Variants in CTCF observed in about 807,000 individuals in gnomAD.
CTCF encodes transcriptional repressor CTCF.
A neutral mutation model predicts 72.3 loss-of-function variants in CTCF; 7 were observed. The ratio of observed to expected loss-of-function variants is 0.10; its 90% CI spans 0.06 to 0.18. CTCF has a LOEUF of 0.18. Among genes scored for constraint, CTCF ranks in the 10% least tolerant of loss-of-function variants. The pLI is 1.00. For missense variants in CTCF, 516 were observed against 949.1 expected (o/e 0.54, Z 6.00); for synonymous variants, 374 against 315.8 (o/e 1.18, Z -1.95).
At chr16:67,618,441 A>G (rs2142842865) in intron 5 of CTCF, among the ~76,000 whole-genome samples, 1 of 152,334 alleles carries the variant, frequency 6.6e-6, no homozygotes, top group East Asian at 1.9e-4. Context: ...AATGTATAAT[A>G]AACTCATCCT....
At chr16:67,608,666 A>T (rs745417650) in intron 2 of CTCF, among the ~76,000 whole-genome samples, 3 of 152,174 alleles carry the variant, frequency 2.0e-5, no homozygotes, top group Admixed American at 2.0e-4. Context: ...AATTATGTTG[A>T]GGATGGATCT....
chr16:67,594,330 G>T (rs923330718), intron 2 of CTCF, among the ~76,000 whole-genome samples: 1 of 151,004 alleles, frequency 6.6e-6, no homozygotes, highest in Non-Finnish European at 1.5e-5. Context: ...GCTGTAGTGA[G>T]CCTTGATTGT....
At chr16:67,599,308 T>C (rs571966073) in intron 2 of CTCF, among the ~76,000 whole-genome samples, 1 of 152,230 alleles carries the variant, frequency 6.6e-6, no homozygotes, top group African/African-American at 2.4e-5. Context: ...GGCAAGAGAA[T>C]CACTTGAACC....
At position 67,636,866 on chromosome 16, in the gene CTCF, T is replaced by C. The variant is rs2142887346; in HGVS notation, c.1999+15T>C. 1 of 1,511,880 alleles carries C rather than the reference T, an allele frequency of 6.6e-7. No homozygotes were observed. Among genetic ancestry groups the C allele is most frequent in the Non-Finnish European group, 8.9e-7 (1 of 1,122,034 alleles). The allele number at this position is 1,511,880 out of a possible 1,614,324, so 93.7% of individuals were successfully genotyped here. A position where few individuals can be genotyped will look rare whatever the true frequency, so the allele number is the denominator to read the frequency against. ...ACAGAACCAGCGTAAGTTGTTCATCTCTGCTCTGGAGGCTGGCGTCTTCTC... is the reference window on the plus strand; with the variant it reads ...ACAGAACCAGCGTAAGTTGTTCATCCCTGCTCTGGAGGCTGGCGTCTTCTC... On this transcript the variant is annotated intron_variant, in intron 11 of 11. Transcript: ENST00000264010.
At chr16:67,589,759 C>T (rs1344377118) in intron 2 of CTCF, among the ~76,000 whole-genome samples, 1 of 152,082 alleles carries the variant, frequency 6.6e-6, no homozygotes, top group African/African-American at 2.4e-5. Context: ...CCCCAAATGA[C>T]GCTTCAACAC....
At chr16:67,608,565 T>C (rs1345010356) in intron 2 of CTCF, among the ~76,000 whole-genome samples, 4 of 152,036 alleles carry the variant, frequency 2.6e-5, no homozygotes, top group Non-Finnish European at 5.9e-5. Flanking sequence ...GTTGAGTGGG[T>C]ATAAAGTTTC....
At chr16:67,634,867 T>G (rs1567619050) in intron 10 of CTCF, among the ~76,000 whole-genome samples, 1 of 151,328 alleles carries the variant, frequency 6.6e-6, no homozygotes, top group Non-Finnish European at 1.5e-5. Context: ...CACACCTAGC[T>G]AATTTTTGTA....
chr16:67,572,005 A>G (rs2051428542), intron 2 of CTCF, among the ~76,000 whole-genome samples: 1 of 152,192 alleles, frequency 6.6e-6, no homozygotes, highest in South Asian at 2.1e-4. Flanking sequence ...TTCAGACCCT[A>G]GAAAAATGTG....
chr16:67,572,997 A>T (rs1261878417), intron 2 of CTCF, among the ~76,000 whole-genome samples: 1 of 121,874 alleles, frequency 8.2e-6, no homozygotes, highest in African/African-American at 3.2e-5. Flanking sequence ...TCACGCCTGT[A>T]ATCCCAGAAC....
rs765657491 is a variant in CTCF, at chr16:67,628,595, T to C, written c.1701+43T>C. 4.4e-6 allele frequency: 7 copies of C among 1,586,536 alleles called. No individual in the cohort carries two copies. In the South Asian group the frequency reaches 7.8e-5, roughly 18 times the overall value. ...ACTTTGCCTGTTATGATACTGAATATTGGATTTTTGGTCTTCCTCTGCAGA... is the reference window on the plus strand; with the variant it reads ...ACTTTGCCTGTTATGATACTGAATACTGGATTTTTGGTCTTCCTCTGCAGA... On this transcript the variant is annotated intron_variant, in intron 9 of 11. Coordinates refer to ENST00000264010, the MANE Select transcript of CTCF (RefSeq NM_006565.4).
At chr16:67,620,546 T>C in intron 5 of CTCF, 151 bp from the exon 6 acceptor site, 1 of 580,674 alleles carries the variant, frequency 1.7e-6, no homozygotes, top group Non-Finnish European at 2.9e-6. Context: ...AAGCAAAGTT[T>C]ACAAATAATG....
chr16:67,574,332 T>C (rs570502439), intron 2 of CTCF, among the ~76,000 whole-genome samples: 415 of 152,256 alleles, frequency 2.7e-3, no homozygotes, highest in Non-Finnish European at 4.5e-3. Context: ...TGCCAGTTTG[T>C]TAAGAGGACT....
chr16:67,571,586 A>C (rs982309433), intron 2 of CTCF, among the ~76,000 whole-genome samples: 1 of 152,224 alleles, frequency 6.6e-6, no homozygotes, highest in African/African-American at 2.4e-5. Flanking sequence ...GAACATGTAC[A>C]TAGAAAGATC....
At chr16:67,573,513 TTAAGA>T (rs1412056996) in intron 2 of CTCF, among the ~76,000 whole-genome samples, 1 of 152,168 alleles carries the variant, frequency 6.6e-6, no homozygotes, top group Non-Finnish European at 1.5e-5. Context: ...AACTGTATGA[TTAAGA>T]TAACATAGGT....
intron 2 of CTCF, among the ~76,000 whole-genome samples, chr16:67,593,603 A>G (rs1220934195): frequency 6.6e-6 from 1 of 152,074 alleles, no homozygotes; most frequent in Non-Finnish European, 1.5e-5. Context: ...GCCATTTGTT[A>G]GGTACCCTTC....
At chr16:67,583,909 GC>G (rs2051624510) in intron 2 of CTCF, among the ~76,000 whole-genome samples, 1 of 152,120 alleles carries the variant, frequency 6.6e-6, no homozygotes, top group Non-Finnish European at 1.5e-5. Context: ...AGATGTAAAT[GC>G]TGCTCAGTAG....
At chr16:67,603,234 A>G (rs955813890) in intron 2 of CTCF, among the ~76,000 whole-genome samples, 1 of 152,102 alleles carries the variant, frequency 6.6e-6, no homozygotes, top group African/African-American at 2.4e-5. Flanking sequence ...AAAATTACAA[A>G]AAAAGAAAAC....
intron 4 of CTCF, chr16:67,615,736 T>G (rs2052123777): frequency 6.6e-6 from 1 of 152,252 alleles, no homozygotes; most frequent in South Asian, 2.1e-4. Context: ...TACCGTTAGA[T>G]CCATAGTGGT....
intron 5 of CTCF, among the ~76,000 whole-genome samples, chr16:67,619,687 C>T (rs2052177315): frequency 6.6e-6 from 1 of 152,078 alleles, no homozygotes; most frequent in Admixed American, 6.6e-5. Flanking sequence ...CTCAGGTGAT[C>T]CTCCCACTTC....
Sources: gnomAD v4.1 joint callset for allele counts (sites outside exome capture counted in the v4.1 genomes callset) on GRCh38, gnomAD v4.1.1 for gene constraint, MANE v1.5 for transcripts, NCBI Gene and HGNC (gene_info 2026-07-23, HGNC 2026-07-21) for gene names.